RRP15: variants seen among roughly 807,000 people sequenced by gnomAD.
RRP15 encodes RRP15-like protein.
In RRP15, 18 loss-of-function variants were observed where a neutral mutation model predicts 27.1. That is an observed-to-expected ratio of 0.66 (90% CI 0.46 to 0.98). RRP15 has a LOEUF of 0.98. Among genes scored for constraint, RRP15 ranks in the 50% least tolerant of loss-of-function variants. RRP15 has a pLI of 0.00. For synonymous variants in RRP15, 107 were observed against 109.4 expected, an observed-to-expected ratio of 0.98 and a Z score of 0.14; for missense variants, 359 against 337.8, an observed-to-expected ratio of 1.06 and a Z score of -0.49.
At chr1:218,293,505 CTTGTT>C (rs1208620395) in intron 1 of RRP15, among the ~76,000 whole-genome samples, 2 of 152,148 alleles carry the variant, frequency 1.3e-5, no homozygotes, top group Non-Finnish European at 2.9e-5. Context: ...AGAGTACTGA[CTTGTT>C]TTATCAGGAA....
chr1:218,287,916 C>A lies in RRP15; in HGVS notation c.139+2461C>A, dbSNP rs149149455. 2.8e-3 allele frequency among the ~76,000 whole-genome samples: 426 copies of A among 152,194 alleles called. 1 individual carries two copies. Among genetic ancestry groups the A allele is most frequent in the African/African-American group, 9.3e-3 (385 of 41,516 alleles). ...TTAGAAGGATGAATAGTTTTCCTGA[C>A]CTGGGAGTATAGAGGGCAGTTTTCT... On this transcript the variant is annotated intron_variant, in intron 1 of 4. Coordinates refer to ENST00000366932, the MANE Select transcript of RRP15 (RefSeq NM_016052.4).
In RRP15 at chr1:218,336,731, T is replaced by C. The variant is rs1026259529; in HGVS notation, c.*5640T>C. The C allele has an allele frequency of 6.6e-6, 1 of 152,254 alleles. No homozygotes were observed. The highest frequency in any genetic ancestry group is 1.5e-5 in the Non-Finnish European group (1 of 68,036). The allele number at this position is 152,254 out of a possible 1,614,324, so 9.4% of individuals were successfully genotyped here. A position where few individuals can be genotyped will look rare whatever the true frequency, so the allele number is the denominator to read the frequency against. ...GTTTCTACACAATAATATTTGTCTT[T>C]GTACAGCAACACTGGGTTCTCTTAA... On this transcript the variant is annotated 3_prime_UTR_variant, in exon 5 of 5. Transcript: ENST00000366932.
At chr1:218,307,373 A>T (rs1655914947) in intron 3 of RRP15, 58 bp from the exon 4 acceptor site, 1 of 1,435,976 alleles carries the variant, frequency 7.0e-7, no homozygotes, top group African/African-American at 1.4e-5. Context: ...CTATCCTCAG[A>T]GTTTGTATTC....
intron 1 of RRP15, among the ~76,000 whole-genome samples, chr1:218,290,626 A>G (rs1655624181): frequency 6.6e-6 from 1 of 152,098 alleles, no homozygotes; most frequent in East Asian, 1.9e-4. Flanking sequence ...CACTACCCAC[A>G]CCTGGCTGAT....
chr1:218,285,312 GA>G lies in RRP15; in HGVS notation c.1del, dbSNP rs767944409. 1.9e-6 allele frequency: 3 copies of G among 1,613,260 alleles called. No homozygotes were observed. The highest frequency in any genetic ancestry group is 2.5e-6 in the Non-Finnish European group (3 of 1,179,742). ...ACTGTCAGGTGACGCTTCCGGCGCAGAAAAATGGCAGCCGCCGCTCCGGACT... is the reference window on the plus strand; with the variant it reads ...ACTGTCAGGTGACGCTTCCGGCGCAGAAAATGGCAGCCGCCGCTCCGGACT... On this transcript the variant is annotated 5_prime_UTR_variant, in exon 1 of 5. Transcript: ENST00000366932.
At chr1:218,311,986 A>G (rs1011629864) in intron 4 of RRP15, among the ~76,000 whole-genome samples, 2 of 152,162 alleles carry the variant, frequency 1.3e-5, no homozygotes, top group Non-Finnish European at 1.5e-5. Flanking sequence ...GTGACCATGG[A>G]GGAATAGGTG....
intron 4 of RRP15, among the ~76,000 whole-genome samples, chr1:218,328,473 T>C (rs540806014): frequency 2.2e-4 from 33 of 152,166 alleles, no homozygotes; most frequent in Non-Finnish European, 3.5e-4. Flanking sequence ...CCATCCTGGC[T>C]AACATGGTGA....
At chr1:218,290,314 ACCCTGAAT>A (rs577537533) in intron 1 of RRP15, among the ~76,000 whole-genome samples, 353 of 152,316 alleles carry the variant, frequency 2.3e-3, no homozygotes, top group Middle Eastern at 0.01. Flanking sequence ...GTTGCAGGAA[ACCCTGAAT>A]CCCTGAATTA....
chr1:218,307,674 C>G, intron 4 of RRP15, 42 bp downstream of exon 4: 1 of 1,317,220 alleles, frequency 7.6e-7, no homozygotes, highest in Non-Finnish European at 1.1e-6. Flanking sequence ...AGACTTTCAG[C>G]TCTAAAACTA....
intron 4 of RRP15, among the ~76,000 whole-genome samples, chr1:218,318,087 A>G (rs1384698118): frequency 6.6e-6 from 1 of 151,848 alleles, no homozygotes; most frequent in Non-Finnish European, 1.5e-5. Context: ...ATAACCACCT[A>G]TATTTCTGTA....
At position 218,334,566 on chromosome 1, in the gene RRP15, A is replaced by G. The variant is rs1360141186; in HGVS notation, c.*3475A>G. ...AGAGCTGTGAATATTATAATTTGTC[A>G]ATACTTTATTGATAATGTTAACTTT... On this transcript the variant is annotated 3_prime_UTR_variant, in exon 5 of 5. Transcript: ENST00000366932. 6.6e-6 allele frequency: 1 copy of G among 152,158 alleles called. No homozygotes were observed. The highest frequency in any genetic ancestry group is 2.4e-5 in the African/African-American group (1 of 41,440). 9.4% of individuals were successfully genotyped at this position (152,158 alleles called of 1,614,324 possible). A position where few individuals can be genotyped will look rare whatever the true frequency, so the allele number is the denominator to read the frequency against.
In RRP15 at chr1:218,336,189, T is replaced by C. The variant is rs1370620412; in HGVS notation, c.*5098T>C. ...GGACCTTAGAGTTGCCTAGGTCCAT[T>C]CTATTCTAGCATATACTCAACATAC... On this transcript the variant is annotated 3_prime_UTR_variant, in exon 5 of 5. Coordinates refer to ENST00000366932, the MANE Select transcript of RRP15 (RefSeq NM_016052.4). 6.6e-6 allele frequency: 1 copy of C among 152,256 alleles called. No homozygotes were observed. Among genetic ancestry groups the C allele is most frequent in the Non-Finnish European group, 1.5e-5 (1 of 67,998 alleles). 9.4% of individuals were successfully genotyped at this position (152,256 alleles called of 1,614,324 possible). A position where few individuals can be genotyped will look rare whatever the true frequency, so the allele number is the denominator to read the frequency against.
chr1:218,295,494 G>A (rs548997950), intron 1 of RRP15, among the ~76,000 whole-genome samples: 2 of 152,290 alleles, frequency 1.3e-5, no homozygotes, highest in Admixed American at 1.3e-4. Context: ...TTCTTGTTAT[G>A]TATGTGAAAA....
intron 4 of RRP15, among the ~76,000 whole-genome samples, chr1:218,320,627 A>G (rs1656172799): frequency 6.6e-6 from 1 of 152,166 alleles, no homozygotes; most frequent in Non-Finnish European, 1.5e-5. Context: ...ACAAGGACAT[A>G]TGTAGTGGGT....
At chr1:218,329,547 TCTC>T (rs1338845084) in intron 4 of RRP15, among the ~76,000 whole-genome samples, 1 of 152,234 alleles carries the variant, frequency 6.6e-6, no homozygotes, top group African/African-American at 2.4e-5. Flanking sequence ...ACGTTATTGT[TCTC>T]CTATCAGTGT....
At chr1:218,310,198 C>T (rs1450028507) in intron 4 of RRP15, among the ~76,000 whole-genome samples, 1 of 152,082 alleles carries the variant, frequency 6.6e-6, no homozygotes, top group Non-Finnish European at 1.5e-5. Flanking sequence ...ATAGGTGTTC[C>T]TTCTCTCATC....
rs907131890 is a variant in RRP15, at chr1:218,331,160, G to A, written c.*69G>A. ...AAAAATATGTCATCCTCTGATAGTT[G>A]GGGAATTATAAGGATACCATTTGTA... On this transcript the variant is annotated 3_prime_UTR_variant, in exon 5 of 5. Coordinates refer to ENST00000366932, the MANE Select transcript of RRP15 (RefSeq NM_016052.4). The A allele has an allele frequency of 7.6e-6, 11 of 1,438,894 alleles. No individual in the cohort carries two copies. Among genetic ancestry groups the A allele is most frequent in the Non-Finnish European group, 1.0e-5 (11 of 1,065,236 alleles). 89.1% of individuals were successfully genotyped at this position (1,438,894 alleles called of 1,614,324 possible).
In RRP15 at chr1:218,285,454, A is replaced by G. The variant is rs766963760; in HGVS notation, c.138A>G (p.Glu46=). The change falls in exon 1 of 5, where the codon GAA becomes GAG. Residue 46 remains glutamate (E), a splice_region_variant and synonymous_variant. Transcript: ENST00000366932. ...EDEATDTSDS[E]GSCGSEKDHF... is the part of the protein sequence containing the mutation. Reference sequence around the variant, plus strand: ...AGGCCACAGACACTTCTGATAGTGAAGGTAATGTGGTAGGGCTGAGCTTTG... The same window carrying G: ...AGGCCACAGACACTTCTGATAGTGAGGGTAATGTGGTAGGGCTGAGCTTTG... The G allele has an allele frequency of 4.3e-6, 7 of 1,614,012 alleles. No homozygotes were observed. Among genetic ancestry groups the G allele is most frequent in the Non-Finnish European group, 5.9e-6 (7 of 1,180,016 alleles).
intron 4 of RRP15, among the ~76,000 whole-genome samples, chr1:218,307,925 A>C (rs1459729665): frequency 6.6e-6 from 1 of 152,048 alleles, no homozygotes; most frequent in Non-Finnish European, 1.5e-5. Flanking sequence ...GAGTTTTAGG[A>C]AATAATGGTA....
Sources: gnomAD v4.1 joint callset for allele counts (sites outside exome capture counted in the v4.1 genomes callset) on GRCh38, gnomAD v4.1.1 for gene constraint, MANE v1.5 for transcripts, NCBI Gene and HGNC (gene_info 2026-07-23, HGNC 2026-07-21) for gene names.